CIRBP: variants seen among roughly 807,000 people sequenced by gnomAD.
CIRBP encodes the protein cold inducible RNA binding protein, also known as cold-inducible RNA-binding protein.
CIRBP carries 11 observed loss-of-function variants against 22.3 expected under a neutral mutation model. That is an observed-to-expected ratio of 0.49 (90% CI 0.31 to 0.82). The LOEUF (loss-of-function observed/expected upper bound fraction) is 0.82. Among genes scored for constraint, CIRBP ranks in the 40% least tolerant of loss-of-function variants. CIRBP has a pLI of 0.05. For synonymous variants in CIRBP, 216 were observed against 158.8 expected, an observed-to-expected ratio of 1.36 and a Z score of -2.71; for missense variants, 456 against 402.7, an observed-to-expected ratio of 1.13 and a Z score of -1.13.
At chr19:1,270,894 C>G (rs187747390) in intron 1 of CIRBP, 34 bp from the exon 2 acceptor site, 1 of 1,374,714 alleles carries the variant, frequency 7.3e-7, no homozygotes, top group South Asian at 1.2e-5. Context: ...TGAGAGATGA[C>G]CCCTGTTGAG....
intron 5 of CIRBP, 113 bp from the exon 6 acceptor site, chr19:1,271,868 C>A: frequency 1.1e-6 from 1 of 944,102 alleles, no homozygotes; most frequent in Non-Finnish European, 1.6e-6. Context: ...TGCTGGGGTC[C>A]TTGTTGTGTC....
At chr19:1,271,956 T>C (rs767783002) in intron 5 of CIRBP, 25 bp from the exon 6 acceptor site, 3 of 1,588,146 alleles carry the variant, frequency 1.9e-6, no homozygotes, top group South Asian at 1.1e-5. Context: ...TACCTTCCGG[T>C]ACTCAACGTT....
intron 1 of CIRBP, among the ~76,000 whole-genome samples, chr19:1,270,712 G>T (rs1167492845): frequency 6.6e-6 from 1 of 152,178 alleles, no homozygotes; most frequent in Non-Finnish European, 1.5e-5. Flanking sequence ...GGTGGAGGCT[G>T]CAGTGACCCC....
chr19:1,274,579 G>T lies in CIRBP; in HGVS notation c.*2136G>T, dbSNP rs1209349068. 9 of 338,270 alleles carry T rather than the reference G, an allele frequency of 2.7e-5. No homozygotes were observed. Among genetic ancestry groups the T allele is most frequent in the Non-Finnish European group, 4.3e-5 (8 of 188,080 alleles). 21.0% of individuals were successfully genotyped at this position (338,270 alleles called of 1,614,324 possible). A position where few individuals can be genotyped will look rare whatever the true frequency, so the allele number is the denominator to read the frequency against. The stretch of plus-strand genomic sequence containing the variant: ...CGGTGTGTGTTGGGTGCAGGGCAGC[G>T]CCTCCCGGGAGCGCCGGGTCCCCCG... On this transcript the variant is annotated 3_prime_UTR_variant, in exon 6 of 6. Coordinates refer to ENST00000587896, the MANE Select transcript of CIRBP (RefSeq NM_001300829.2).
chr19:1,271,387 C>A lies in CIRBP; in HGVS notation c.269C>A (p.Ser90Tyr), dbSNP rs267605287. ...DQAGKSSDNR[S>Y]RGYRGGSAGG... ...GCAGGCAAGTCGTCAGACAACCGAT[C>A]CCGTGGGTACCGTGGTGGCTCTGCC... is the stretch of plus-strand genomic sequence containing the variant. The change falls in exon 4 of 6, where the codon TCC becomes TAC. Residue 90 changes from serine (S) to tyrosine (Y), a missense_variant. Ser to Tyr is a moderately radical substitution (Grantham distance 144). This residue lies in a region of CIRBP where 426 missense variants were observed against 339.6 expected (regional missense o/e 1.25). Transcript: ENST00000587896. The A allele has an allele frequency of 6.2e-7, 1 of 1,613,732 alleles. No homozygotes were observed. Among genetic ancestry groups the A allele is most frequent in the Admixed American group, 1.7e-5 (1 of 59,996 alleles).
At chr19:1,270,452 T>G (rs1161923081) in intron 1 of CIRBP, among the ~76,000 whole-genome samples, 1 of 152,048 alleles carries the variant, frequency 6.6e-6, no homozygotes, top group Admixed American at 6.5e-5. Flanking sequence ...TGGGGGTGGA[T>G]GGAGTAAATT....
rs1312828596 is a variant in CIRBP at position 1,269,398 on chromosome 19, G to T, written c.-19G>T. 1.3e-5 allele frequency: 2 copies of T among 151,960 alleles called. No homozygotes were observed. The highest frequency in any genetic ancestry group is 4.8e-5 in the African/African-American group (2 of 41,396). 9.4% of individuals were successfully genotyped at this position (151,960 alleles called of 1,614,324 possible). On this transcript the variant is annotated 5_prime_UTR_variant, in exon 1 of 6. Coordinates refer to ENST00000587896, the MANE Select transcript of CIRBP (RefSeq NM_001300829.2). ...GTCTTCCCGCTTGCGTCAGGGACCT[G>T]CCCGACTCAGTGGTGAGGGCCCTGG... is the stretch of plus-strand genomic sequence containing the variant.
In CIRBP at chr19:1,274,673, G is replaced by A. The variant is rs2081393657; in HGVS notation, c.*2230G>A. ...GGAGGCGCTTCGCCAGTGAGGTGCGGGCTCAGGGCCTCGAGTCTCTCCTGG... is the reference window on the plus strand; with the variant it reads ...GGAGGCGCTTCGCCAGTGAGGTGCGAGCTCAGGGCCTCGAGTCTCTCCTGG... On this transcript the variant is annotated 3_prime_UTR_variant, in exon 6 of 6. Transcript: ENST00000587896. 3 of 201,758 alleles carry A rather than the reference G, an allele frequency of 1.5e-5. No homozygotes were observed. The highest frequency in any genetic ancestry group is 6.9e-5 in the African/African-American group (3 of 43,280). 12.5% of individuals were successfully genotyped at this position (201,758 alleles called of 1,614,324 possible).
rs942452904 is a variant in CIRBP at position 1,272,703 on chromosome 19, C to T, written c.*260C>T. 43 of 352,446 alleles carry T rather than the reference C, an allele frequency of 1.2e-4. No homozygotes were observed. The highest frequency in any genetic ancestry group is 1.8e-4 in the Non-Finnish European group (36 of 194,838). 21.8% of individuals were successfully genotyped at this position (352,446 alleles called of 1,614,324 possible). On this transcript the variant is annotated 3_prime_UTR_variant, in exon 6 of 6. Coordinates refer to ENST00000587896, the MANE Select transcript of CIRBP (RefSeq NM_001300829.2). ...TGAAAAGCATTTACTTTTTTGACCA[C>T]GAGCCATGAGTTTTCAAAAAAATCG...
chr19:1,269,694 G>A, intron 1 of CIRBP: 1 of 320,982 alleles, frequency 3.1e-6, no homozygotes, highest in South Asian at 2.3e-5. Context: ...GTTCCCGGAT[G>A]GAGTGGCGCA....
intron 5 of CIRBP, 54 bp downstream of exon 5, chr19:1,271,686 G>A (rs779583943): frequency 3.8e-5 from 44 of 1,151,980 alleles, no homozygotes; most frequent in African/African-American, 2.0e-4. Flanking sequence ...GCCAGCTTCC[G>A]TCCCGGGTCC....
Position 1,274,420 on chromosome 19 carries a change from T to C in CIRBP, c.*1977T>C. On this transcript the variant is annotated 3_prime_UTR_variant, in exon 6 of 6. Coordinates refer to ENST00000587896, the MANE Select transcript of CIRBP (RefSeq NM_001300829.2). ...GGAACAAGAGCTGGAGGCAGCCGCT[T>C]GCCCAGGAGGCTTGTCCCCTGTAAG... 2.5e-6 allele frequency: 1 copy of C among 400,064 alleles called. No homozygotes were observed. The highest frequency in any genetic ancestry group is 4.4e-6 in the Non-Finnish European group (1 of 225,770). 24.8% of individuals were successfully genotyped at this position (400,064 alleles called of 1,614,324 possible). A position where few individuals can be genotyped will look rare whatever the true frequency, so the allele number is the denominator to read the frequency against.
Position 1,270,846 on chromosome 19 carries a change from CAT to C in CIRBP, c.-6-81_-6-80del, listed in dbSNP as rs1222294977. The stretch of plus-strand genomic sequence containing the variant: ...TTTCTAATATTTCCCCTAAAAAACA[CAT>C]GTCATTTACATAAAATAGGAAGCGG... On this transcript the variant is annotated intron_variant, in intron 1 of 5. Transcript: ENST00000587896. 30 of 878,356 alleles carry C rather than the reference CAT, an allele frequency of 3.4e-5. 1 individual carries two copies. Among genetic ancestry groups the C allele is most frequent in the Admixed American group, 1.4e-4 (7 of 50,308 alleles). 54.4% of individuals were successfully genotyped at this position (878,356 alleles called of 1,614,324 possible).
intron 1 of CIRBP, chr19:1,270,146 C>A (rs1461823479): frequency 1.9e-6 from 1 of 513,996 alleles, no homozygotes; most frequent in Non-Finnish European, 3.9e-6. Context: ...GCCATCCCTT[C>A]CCGATTCCCG....
Position 1,272,727 on chromosome 19 carries a change from CGGG to C in CIRBP, c.*287_*289del, listed in dbSNP as rs1334366982. Reference sequence around the variant, plus strand: ...ACGAGCCATGAGTTTTCAAAAAAATCGGGGGTTGTGTGGGTTTTTGGTTTTTGT... The same window carrying C: ...ACGAGCCATGAGTTTTCAAAAAAATCGGTTGTGTGGGTTTTTGGTTTTTGT... On this transcript the variant is annotated 3_prime_UTR_variant, in exon 6 of 6. Coordinates refer to ENST00000587896, the MANE Select transcript of CIRBP (RefSeq NM_001300829.2). The C allele has an allele frequency of 1.3e-5, 4 of 300,104 alleles. No homozygotes were observed. Among genetic ancestry groups the C allele is most frequent in the African/African-American group, 6.5e-5 (3 of 45,972 alleles). The allele number at this position is 300,104 out of a possible 1,614,324, so 18.6% of individuals were successfully genotyped here.
In CIRBP at chr19:1,273,795, CTG is replaced by C. The variant is rs1428082352; in HGVS notation, c.*1354_*1355del. The C allele has an allele frequency of 6.6e-6, 1 of 152,250 alleles. No individual in the cohort carries two copies. The highest frequency in any genetic ancestry group is 1.5e-5 in the Non-Finnish European group (1 of 68,154). The allele number at this position is 152,250 out of a possible 1,614,324, so 9.4% of individuals were successfully genotyped here. On this transcript the variant is annotated 3_prime_UTR_variant, in exon 6 of 6. Coordinates refer to ENST00000587896, the MANE Select transcript of CIRBP (RefSeq NM_001300829.2). ...ATGTGCCCGGGGAATGTTCCTGTGA[CTG>C]TTTTTTGTTTTTCCTTTTTTTTTTA...
rs759312856 is a variant in CIRBP, at chr19:1,269,785, T to C, written c.-7+375T>C. On this transcript the variant is annotated intron_variant, in intron 1 of 5. Coordinates refer to ENST00000587896, the MANE Select transcript of CIRBP (RefSeq NM_001300829.2). ...GGTCTCCAGGGCCGCTTTCCCGGCC[T>C]TGGGGCTGGAGGTATCCACACACCA... The C allele has an allele frequency of 6.1e-6, 3 of 493,250 alleles. No individual in the cohort carries two copies. In the East Asian group the frequency reaches 1.7e-4, roughly 28 times the overall value. 30.6% of individuals were successfully genotyped at this position (493,250 alleles called of 1,614,324 possible).
chr19:1,272,266 T>C lies in CIRBP; in HGVS notation c.717T>C (p.Ala239=), dbSNP rs1418450508. 1 of 1,611,766 alleles carries C rather than the reference T, an allele frequency of 6.2e-7. No individual in the cohort carries two copies. Among genetic ancestry groups the C allele is most frequent in the Non-Finnish European group, 8.5e-7 (1 of 1,179,326 alleles). Reference sequence around the variant, plus strand: ...AAGGCAAGGGAGAGCGAGGGCCCGCTGGGCAGTCAGCTAGGTGCATGTGTG... The same window carrying C: ...AAGGCAAGGGAGAGCGAGGGCCCGCCGGGCAGTCAGCTAGGTGCATGTGTG... ...DQKGKGERGP[A]GQSARCMCGR... Residue 239 remains alanine (A), a synonymous_variant, in exon 6 of 6, where the codon GCT becomes GCC. Transcript: ENST00000587896.
At position 1,271,204 on chromosome 19, in the gene CIRBP, C is replaced by G; in HGVS notation, c.168C>G (p.Asn56Lys). The G allele has an allele frequency of 6.2e-7, 1 of 1,614,064 alleles. No individual in the cohort carries two copies. The highest frequency in any genetic ancestry group is 8.5e-7 in the Non-Finnish European group (1 of 1,180,032). ...SRGFGFVTFE[N>K]IDDAKDAMMA... ...GATTTGGGTTTGTCACCTTTGAGAA[C>G]ATTGACGACGCTAAGGATGCCATGA... Residue 56 changes from asparagine (N) to lysine (K), a missense_variant, in exon 3 of 6, where the codon AAC (asparagine) becomes AAG (lysine). This residue lies in a region of CIRBP where 426 missense variants were observed against 339.6 expected (regional missense o/e 1.25). Coordinates refer to ENST00000587896, the MANE Select transcript of CIRBP (RefSeq NM_001300829.2).
Sources: gnomAD v4.1 joint callset for allele counts (sites outside exome capture counted in the v4.1 genomes callset) on GRCh38, gnomAD v4.1.1 for gene constraint, gnomAD v4.1.1 regional missense constraint, MANE v1.5 for transcripts, NCBI Gene and HGNC (gene_info 2026-07-23, HGNC 2026-07-21) for gene names.